PPP1R10: variants seen among roughly 807,000 people sequenced by gnomAD.
PPP1R10 encodes the protein serine/threonine-protein phosphatase 1 regulatory subunit 10.
Under a neutral mutation model 99.0 loss-of-function variants are expected in PPP1R10, and 15 were observed. The observed-to-expected ratio is 0.15, with a 90% CI of 0.10 to 0.23. The LOEUF is 0.23. Ranked by LOEUF, PPP1R10 falls within the 10% of genes least tolerant of loss-of-function variation. The pLI is 1.00. For synonymous variants in PPP1R10, 430 were observed against 449.5 expected (o/e 0.96, Z 0.55); for missense variants, 947 against 1,259.4 (o/e 0.75, Z 3.75).
intron 2 of PPP1R10, among the ~76,000 whole-genome samples, chr6:30,612,270 G>A (rs887837668): frequency 6.6e-6 from 1 of 151,994 alleles, no homozygotes; most frequent in Admixed American, 6.6e-5. Context: ...ATTCCTTTTT[G>A]CATATCCAAC....
At position 30,607,773 on chromosome 6, in the gene PPP1R10, A is replaced by C. The variant is rs1804103305; in HGVS notation, c.382+67T>G. On this transcript the variant is annotated intron_variant, in intron 6 of 19. Transcript: ENST00000376511. ...GAAGGGACAATCCAAGGATGGGAAA[A>C]GATATTAAGGTAATTAAGTGGAAGT... 6 of 1,509,684 alleles carry C rather than the reference A, an allele frequency of 4.0e-6. No homozygotes were observed. In the East Asian group the frequency reaches 1.4e-4, roughly 34 times the overall value. The allele number at this position is 1,509,684 out of a possible 1,614,324, so 93.5% of individuals were successfully genotyped here. A position where few individuals can be genotyped will look rare whatever the true frequency, so the allele number is the denominator to read the frequency against.
Position 30,606,889 on chromosome 6 carries a change from A to T in PPP1R10, c.383-33T>A. On this transcript the variant is annotated intron_variant, in intron 6 of 19. Transcript: ENST00000376511. The surrounding 1 kb of genome is among the most constrained non-coding windows in gnomAD (Gnocchi z 6.3). ...TGACAGAAAGGGGAAATGCCTAAAT[A>T]ATGTAAAGTAACATTCTTCCAGGAA... 1 of 1,545,300 alleles carries T rather than the reference A, an allele frequency of 6.5e-7. No homozygotes were observed. Among genetic ancestry groups the T allele is most frequent in the African/African-American group, 1.4e-5 (1 of 73,376 alleles).
At chr6:30,608,607 C>T (rs1804214732) in intron 5 of PPP1R10, among the ~76,000 whole-genome samples, 172 bp downstream of exon 5, 1 of 152,110 alleles carries the variant, frequency 6.6e-6, no homozygotes, top group South Asian at 2.1e-4. Context: ...AGCCGCCACA[C>T]ACCTATTAAA....
At position 30,609,041 on chromosome 6, in the gene PPP1R10, C is replaced by G. The variant is rs755627125; in HGVS notation, c.194+36G>C. 1 of 1,613,422 alleles carries G rather than the reference C, an allele frequency of 6.2e-7. No homozygotes were observed. Among genetic ancestry groups the G allele is most frequent in the Non-Finnish European group, 8.5e-7 (1 of 1,179,416 alleles). On this transcript the variant is annotated intron_variant, in intron 4 of 19. Transcript: ENST00000376511. This position sits in a 1 kb window ranked among gnomAD's most constrained non-coding sequence, Gnocchi z 4.5. Reference sequence around the variant, plus strand: ...GCCTCACCGCCCCATCTTTTCGCTACACCTTCCCATTCCAACCATCCAGAT... The same window carrying G: ...GCCTCACCGCCCCATCTTTTCGCTAGACCTTCCCATTCCAACCATCCAGAT...
At position 30,606,289 on chromosome 6, in the gene PPP1R10, C is replaced by G; in HGVS notation, c.635-46G>C. ...TGGGCAGCTGAACTCAAACCCCAGA[C>G]CCCCGAATTTTCCTCCCGTTCTCAC... On this transcript the variant is annotated intron_variant, in intron 8 of 19. Transcript: ENST00000376511. This position sits in a 1 kb window ranked among gnomAD's most constrained non-coding sequence, Gnocchi z 6.3. 1 of 1,602,516 alleles carries G rather than the reference C, an allele frequency of 6.2e-7. No individual in the cohort carries two copies.
At position 30,601,650 on chromosome 6, in the gene PPP1R10, T is replaced by C. The variant is rs1803325281; in HGVS notation, c.2722A>G (p.Asn908Asp). The C allele has an allele frequency of 6.2e-7, 1 of 1,613,842 alleles. No individual in the cohort carries two copies. Among genetic ancestry groups the C allele is most frequent in the Non-Finnish European group, 8.5e-7 (1 of 1,179,940 alleles). The change falls in exon 20 of 20, where the codon AAC (asparagine) becomes GAC (aspartate). Residue 908 changes from asparagine to aspartate, a missense_variant. Asn to Asp is a conservative substitution (Grantham distance 23). This residue lies in a region of PPP1R10 where 525 missense variants were observed against 578.8 expected (regional missense o/e 0.91). Coordinates refer to ENST00000376511, the MANE Select transcript of PPP1R10 (RefSeq NM_002714.4). ...ATGAAATGTCGGCAGACAGGGCGGT[T>C]TGACATGTCTGTGGGAACGATGGCA... is the stretch of plus-strand genomic sequence containing the variant. The part of the protein sequence containing the change: ...GGHSHGGDMS[N>D]RPVCRHFMMK...
At position 30,609,765 on chromosome 6, in the gene PPP1R10, C is replaced by T; in HGVS notation, c.107+73G>A. ...TCCTTTCCAGGATCATTCCAGTGTGCCTCAACTGCAGCCATGTTTTAACAC... is the reference window on the plus strand; with the variant it reads ...TCCTTTCCAGGATCATTCCAGTGTGTCTCAACTGCAGCCATGTTTTAACAC... On this transcript the variant is annotated intron_variant, in intron 3 of 19. Coordinates refer to ENST00000376511, the MANE Select transcript of PPP1R10 (RefSeq NM_002714.4). This position sits in a 1 kb window ranked among gnomAD's most constrained non-coding sequence, Gnocchi z 4.5. The T allele has an allele frequency of 1.5e-6, 2 of 1,296,650 alleles. No homozygotes were observed. Among genetic ancestry groups the T allele is most frequent in the Non-Finnish European group, 2.2e-6 (2 of 891,812 alleles). 80.3% of individuals were successfully genotyped at this position (1,296,650 alleles called of 1,614,324 possible). A position where few individuals can be genotyped will look rare whatever the true frequency, so the allele number is the denominator to read the frequency against.
intron 10 of PPP1R10, 162 bp downstream of exon 10, chr6:30,605,761 G>A (rs1803867804): frequency 5.7e-6 from 4 of 695,946 alleles, no homozygotes; most frequent in Admixed American, 2.5e-5. Context: ...TCGGGAGGCT[G>A]AGGCAGGAGA....
At chr6:30,611,386 C>T (rs745717873) in intron 2 of PPP1R10, among the ~76,000 whole-genome samples, 4 of 152,214 alleles carry the variant, frequency 2.6e-5, no homozygotes, top group Non-Finnish European at 5.9e-5. Context: ...AAGGCCCACA[C>T]TGAGTAGCAA....
rs1561838345 is a variant in PPP1R10 at position 30,606,215 on chromosome 6, C to G, written c.663G>C (p.Val221=). 1 of 1,614,146 alleles carries G rather than the reference C, an allele frequency of 6.2e-7. No individual in the cohort carries two copies. Among genetic ancestry groups the G allele is most frequent in the Admixed American group, 1.7e-5 (1 of 60,014 alleles). Residue 221 remains valine (V), a synonymous_variant, in exon 9 of 20, where the codon GTG becomes GTC. Coordinates refer to ENST00000376511, the MANE Select transcript of PPP1R10 (RefSeq NM_002714.4). The surrounding 1 kb of genome is among the most constrained non-coding windows in gnomAD (Gnocchi z 6.3). ...CTGTGCTGGCATTCTTCTTCACAGG[C>G]ACCAAGGATGGTGTCTCCAGCTCTA... is the stretch of plus-strand genomic sequence containing the variant. The part of the protein sequence containing the change: ...TGLELETPSL[V]PVKKNASTVV...
intron 2 of PPP1R10, among the ~76,000 whole-genome samples, chr6:30,611,525 G>A (rs1037195448): frequency 6.6e-5 from 10 of 152,118 alleles, no homozygotes; most frequent in African/African-American, 2.4e-4. Context: ...AAAAACACAG[G>A]TTTCTTGTAA....
chr6:30,608,728 C>A, intron 5 of PPP1R10, 51 bp downstream of exon 5: 1 of 1,586,244 alleles, frequency 6.3e-7, no homozygotes. Flanking sequence ...GTTTTTCATC[C>A]ATTAGACTAA....
chr6:30,602,994 A>C lies in PPP1R10; in HGVS notation c.1844-35T>G, dbSNP rs761146221. The C allele has an allele frequency of 6.7e-6, 10 of 1,488,766 alleles. No homozygotes were observed. Among genetic ancestry groups the C allele is most frequent in the Non-Finnish European group, 8.1e-6 (9 of 1,105,624 alleles). 92.2% of individuals were successfully genotyped at this position (1,488,766 alleles called of 1,614,324 possible). On this transcript the variant is annotated intron_variant, in intron 17 of 19. Coordinates refer to ENST00000376511, the MANE Select transcript of PPP1R10 (RefSeq NM_002714.4). This position sits in a 1 kb window ranked among gnomAD's most constrained non-coding sequence, Gnocchi z 6.7. The stretch of plus-strand genomic sequence containing the variant: ...AAAACAAGAGTAACACAGCATGAGC[A>C]CTCTAGAAGACTAGCATGATCTCCC...
chr6:30,616,030 G>T (rs140542312), intron 2 of PPP1R10, among the ~76,000 whole-genome samples: 1 of 152,100 alleles, frequency 6.6e-6, no homozygotes, highest in African/African-American at 2.4e-5. Flanking sequence ...AAATTGAAAG[G>T]CACCCTGCTT....
At chr6:30,603,925 C>T in intron 14 of PPP1R10, 82 bp from the exon 15 acceptor site, 1 of 1,522,602 alleles carries the variant, frequency 6.6e-7, no homozygotes, top group Non-Finnish European at 8.8e-7. Flanking sequence ...TTCTAACCTC[C>T]ACCCCGTAAT....
chr6:30,608,856 T>C lies in PPP1R10; in HGVS notation c.253A>G (p.Thr85Ala). The C allele has an allele frequency of 6.2e-7, 1 of 1,614,100 alleles. No individual in the cohort carries two copies. Among genetic ancestry groups the C allele is most frequent in the South Asian group, 1.1e-5 (1 of 91,082 alleles). ...TGCTGGAGGAGGGGAATGTTGTTGGTTGTCTTTGAATACGTCAGCCAATTG... is the reference window on the plus strand; with the variant it reads ...TGCTGGAGGAGGGGAATGTTGTTGGCTGTCTTTGAATACGTCAGCCAATTG... ...LNNWLTYSKT[T>A]NNIPLLQQIL... The change falls in exon 5 of 20, where the codon ACC becomes GCC. Residue 85 changes from threonine to alanine, a missense_variant. Physicochemically the swap from Thr to Ala is moderately conservative, Grantham distance 58. Around this residue, in one of 10 missense-constraint regions of PPP1R10, gnomAD observed 82 missense variants for 117.3 expected, o/e 0.70. Coordinates refer to ENST00000376511, the MANE Select transcript of PPP1R10 (RefSeq NM_002714.4).
At chr6:30,615,598 T>C (rs1760401961) in intron 2 of PPP1R10, among the ~76,000 whole-genome samples, 1 of 152,240 alleles carries the variant, frequency 6.6e-6, no homozygotes, top group Admixed American at 6.5e-5. Flanking sequence ...ACAAATCTTT[T>C]AGAAAGCTAG....
At position 30,616,550 on chromosome 6, in the gene PPP1R10, AAAAC is replaced by A. The variant is rs1323256143; in HGVS notation, c.-88_-85del. The A allele has an allele frequency of 1.3e-5, 2 of 152,236 alleles. No homozygotes were observed. Among genetic ancestry groups the A allele is most frequent in the Non-Finnish European group, 2.9e-5 (2 of 68,040 alleles). 9.4% of individuals were successfully genotyped at this position (152,236 alleles called of 1,614,324 possible). ...GGTAAAATTTTGGAGGAAAAAAAAT[AAAAC>A]AACCAACCAGGACCCAAAACTCAAT... is the stretch of plus-strand genomic sequence containing the variant. On this transcript the variant is annotated 5_prime_UTR_variant, in exon 2 of 20. Coordinates refer to ENST00000376511, the MANE Select transcript of PPP1R10 (RefSeq NM_002714.4).
intron 2 of PPP1R10, among the ~76,000 whole-genome samples, chr6:30,612,435 G>A (rs770166014): frequency 2.0e-5 from 3 of 152,148 alleles, no homozygotes; most frequent in Non-Finnish European, 4.4e-5. Context: ...GCTAAATTCT[G>A]TCCAGTGCCC....
Sources: allele counts gnomAD v4.1 joint callset (sites outside exome capture counted in the v4.1 genomes callset), GRCh38; gene constraint gnomAD v4.1.1; regional missense constraint gnomAD v4.1.1; non-coding constraint Gnocchi (gnomAD v3.1); transcripts MANE v1.5; gene names NCBI Gene and HGNC (gene_info 2026-07-23, HGNC 2026-07-21).